Variants in GLIS3 observed in about 807,000 individuals in gnomAD.
The protein encoded by GLIS3 is zinc finger protein GLIS3.
Under a neutral mutation model 78.6 loss-of-function variants are expected in GLIS3, and 53 were observed. That is an observed-to-expected ratio of 0.67 (90% CI 0.54 to 0.85). The LOEUF (loss-of-function observed/expected upper bound fraction) is 0.85. Ranked by LOEUF, GLIS3 falls within the 40% of genes least tolerant of loss-of-function variation. The pLI is 0.00. For missense variants in GLIS3, 1,703 were observed against 1,231.1 expected (o/e 1.38, Z -5.74); for synonymous variants, 684 against 509.9 (o/e 1.34, Z -4.60).
intron 2 of GLIS3, among the ~76,000 whole-genome samples, chr9:4,281,916 C>A (rs1290410830): frequency 6.6e-6 from 1 of 152,194 alleles, no homozygotes; most frequent in East Asian, 1.9e-4. Context: ...TCCCAAAGTT[C>A]ACTGTGGCAC....
At chr9:3,992,613 A>G (rs918772932) in intron 4 of GLIS3, among the ~76,000 whole-genome samples, 1 of 152,246 alleles carries the variant, frequency 6.6e-6, no homozygotes, top group Non-Finnish European at 1.5e-5. Flanking sequence ...AGTAAACAGT[A>G]TTAAAGCTGG....
chr9:3,982,142 T>A (rs1004870899), intron 4 of GLIS3, among the ~76,000 whole-genome samples: 4 of 152,172 alleles, frequency 2.6e-5, no homozygotes, highest in Non-Finnish European at 5.9e-5. Flanking sequence ...GAAAAGAACA[T>A]GACATTCTCA....
intron 2 of GLIS3, among the ~76,000 whole-genome samples, chr9:4,156,614 C>A (rs1159430588): frequency 6.6e-6 from 1 of 152,240 alleles, no homozygotes; most frequent in East Asian, 1.9e-4. Context: ...CTTCAACCCA[C>A]TGGAAGATAA....
At chr9:4,269,171 G>A (rs186733255) in intron 2 of GLIS3, among the ~76,000 whole-genome samples, 6 of 152,238 alleles carry the variant, frequency 3.9e-5, no homozygotes, top group Admixed American at 2.0e-4. Flanking sequence ...ATGTCTCTGC[G>A]TCACTCTAAG....
chr9:4,385,816 A>AAG, the GLIS3 span, among the ~76,000 whole-genome samples: 1 of 42,194 alleles, frequency 2.4e-5, no homozygotes, highest in African/African-American at 9.2e-5. Flanking sequence ...AAAGAAAAGA[A>AAG]AGAAAGAGAA....
In GLIS3 at chr9:4,058,463, G is replaced by C. The variant is rs182681830; in HGVS notation, c.1710+59305C>G. Among the ~76,000 whole-genome samples the C allele has an allele frequency of 1.2e-3, 184 of 148,574 alleles. 1 individual carries two copies. Among genetic ancestry groups the C allele is most frequent in the African/African-American group, 4.1e-3 (167 of 40,650 alleles). On this transcript the variant is annotated intron_variant, in intron 4 of 10. Coordinates refer to ENST00000381971, the MANE Select transcript of GLIS3 (RefSeq NM_001042413.2). Reference sequence around the variant, plus strand: ...TTTCCCCTATTTAAAAAAAAAAACAGTTCCCATCTCTTTGCTCAAATTTCC... The same window carrying C: ...TTTCCCCTATTTAAAAAAAAAAACACTTCCCATCTCTTTGCTCAAATTTCC...
chr9:4,167,059 C>G (rs1419667591), intron 2 of GLIS3, among the ~76,000 whole-genome samples: 5 of 151,784 alleles, frequency 3.3e-5, no homozygotes, highest in African/African-American at 1.2e-4. Flanking sequence ...AGTGGAGAAT[C>G]AGAAGTAAAA....
intron 4 of GLIS3, among the ~76,000 whole-genome samples, chr9:4,059,525 T>C (rs751039157): frequency 2.0e-5 from 3 of 151,838 alleles, no homozygotes; most frequent in Non-Finnish European, 2.9e-5. Context: ...AGAAGTACTA[T>C]TGGCTTTTCT....
intron 4 of GLIS3, among the ~76,000 whole-genome samples, chr9:4,109,474 T>G (rs945414806): frequency 1.3e-5 from 2 of 152,204 alleles, no homozygotes; most frequent in Non-Finnish European, 2.9e-5. Context: ...AGCTGATCAC[T>G]TGGCATAAGA....
chr9:4,245,427 A>G (rs565062039), intron 2 of GLIS3, among the ~76,000 whole-genome samples: 3 of 152,346 alleles, frequency 2.0e-5, no homozygotes, highest in African/African-American at 7.2e-5. Flanking sequence ...CAGGTTCTAC[A>G]TGTTATAAAA....
At chr9:4,394,243 C>A in the GLIS3 span, among the ~76,000 whole-genome samples, 42 of 150,714 alleles carry the variant, frequency 2.8e-4, no homozygotes, top group African/African-American at 9.8e-4. Context: ...GACATTGATT[C>A]AATTTTTAAA....
chr9:4,371,486 TC>T, the GLIS3 span, among the ~76,000 whole-genome samples: 5 of 152,030 alleles, frequency 3.3e-5, no homozygotes, highest in Non-Finnish European at 7.4e-5. Context: ...AAGGTTGGAG[TC>T]TTGTTCACAA....
At chr9:4,099,893 T>C (rs1830234863) in intron 4 of GLIS3, among the ~76,000 whole-genome samples, 1 of 152,242 alleles carries the variant, frequency 6.6e-6, no homozygotes, top group Admixed American at 6.5e-5. Context: ...TGAAAAGATT[T>C]ACATCATAAC....
intron 4 of GLIS3, among the ~76,000 whole-genome samples, chr9:4,033,877 A>AAAC (rs1554677024): frequency 6.7e-6 from 1 of 150,304 alleles, no homozygotes; most frequent in African/African-American, 2.4e-5. Flanking sequence ...AAAAAAAAAA[A>AAAC]AAAAAAAAAA....
chr9:4,334,904 CTTTTTTTTT>C (rs56017714), intron 2 of GLIS3, among the ~76,000 whole-genome samples: 6 of 107,030 alleles, frequency 5.6e-5, no homozygotes, highest in African/African-American at 1.5e-4. Flanking sequence ...TCATTTCCAC[CTTTTTTTTT>C]TTTTTTTTTT....
At chr9:4,364,755 G>GT in the GLIS3 span, among the ~76,000 whole-genome samples, 3 of 15,494 alleles carry the variant, frequency 1.9e-4, no homozygotes, top group African/African-American at 3.3e-4. Context: ...ATCATGTATT[G>GT]CTTTTTTTTT....
At chr9:4,238,521 T>G (rs142961384) in intron 2 of GLIS3, among the ~76,000 whole-genome samples, 1 of 152,194 alleles carries the variant, frequency 6.6e-6, no homozygotes, top group African/African-American at 2.4e-5. Context: ...CAACTTACAG[T>G]GCTAAAACCA....
chr9:3,920,859 T>C (rs986009499), intron 6 of GLIS3, among the ~76,000 whole-genome samples: 4 of 152,172 alleles, frequency 2.6e-5, no homozygotes, highest in Admixed American at 2.0e-4. Context: ...CCCAAAGCAG[T>C]ATTGTGAAAC....
intron 9 of GLIS3, among the ~76,000 whole-genome samples, chr9:3,833,499 A>G (rs1376352699): frequency 6.6e-6 from 1 of 151,944 alleles, no homozygotes; most frequent in Non-Finnish European, 1.5e-5. Flanking sequence ...CCAAAGCAAA[A>G]TGAGGCAAGA....
Sources: allele counts gnomAD v4.1 joint callset (sites outside exome capture counted in the v4.1 genomes callset), GRCh38; gene constraint gnomAD v4.1.1; transcripts MANE v1.5; gene names NCBI Gene and HGNC (gene_info 2026-07-23, HGNC 2026-07-21).